Variants in NBAS observed in about 807,000 individuals in gnomAD.
NBAS encodes NAG/BC035112 fusion.
A neutral mutation model predicts 302.5 loss-of-function variants in NBAS; 219 were observed. The observed-to-expected ratio is 0.72, with a 90% confidence interval of 0.65 to 0.81. NBAS has a LOEUF of 0.81. NBAS is among the 30% of genes least tolerant of loss of function. The pLI, the probability that NBAS is intolerant of heterozygous loss-of-function variation, is 0.00. For synonymous variants in NBAS, 1,118 were observed against 1,021.6 expected, an observed-to-expected ratio of 1.09 and a Z score of -1.80; for missense variants, 2,932 against 2,841.6, an observed-to-expected ratio of 1.03 and a Z score of -0.72.
chr2:14,981,435 T>C, the NBAS span, among the ~76,000 whole-genome samples: 1 of 152,236 alleles, frequency 6.6e-6, no homozygotes, highest in African/African-American at 2.4e-5. Context: ...AATATATTCC[T>C]CCCAACCACT....
At chr2:15,063,263 C>T in the NBAS span, among the ~76,000 whole-genome samples, 1 of 152,092 alleles carries the variant, frequency 6.6e-6, no homozygotes, top group African/African-American at 2.4e-5. Context: ...AATGTTTAGG[C>T]AGGACCTCCT....
At chr2:15,338,551 C>T (rs1672697936) in intron 35 of NBAS, among the ~76,000 whole-genome samples, 1 of 152,158 alleles carries the variant, frequency 6.6e-6, no homozygotes, top group African/African-American at 2.4e-5. Context: ...GGCAAGGCTA[C>T]AGCTTAGCTG....
rs1221186965 is a variant in NBAS at position 15,369,991 on chromosome 2, T to C, written c.3704-3298A>G. Among the ~76,000 whole-genome samples, 4 of 152,198 alleles carry C rather than the reference T, an allele frequency of 2.6e-5. No homozygotes were observed. The East Asian group carries it at 7.7e-4, about 29-fold the overall frequency. On this transcript the variant is annotated intron_variant, in intron 31 of 51. Transcript: ENST00000281513. ...GAAGTTGCTAGTGATGCTGTGGAAG[T>C]ATTATACAAATCTGAACCGTGTGGG...
intron 48 of NBAS, among the ~76,000 whole-genome samples, chr2:15,213,435 C>T (rs1666512386): frequency 6.6e-6 from 1 of 152,146 alleles, no homozygotes; most frequent in Non-Finnish European, 1.5e-5. Context: ...TCTGTCAAAC[C>T]CCTGATTTCT....
the NBAS span, among the ~76,000 whole-genome samples, chr2:15,016,257 C>T: frequency 1.1e-4 from 17 of 152,066 alleles, no homozygotes; most frequent in African/African-American, 3.6e-4. Flanking sequence ...TATCAGATCC[C>T]GTGAGACTTA....
At chr2:15,427,840 A>G in intron 21 of NBAS, 46 bp from the exon 22 acceptor site, 1 of 1,424,030 alleles carries the variant, frequency 7.0e-7, no homozygotes, top group East Asian at 2.4e-5. Context: ...CATTACCTCA[A>G]TGACTTAGCC....
chr2:14,982,604 G>C, the NBAS span, among the ~76,000 whole-genome samples: 1 of 152,070 alleles, frequency 6.6e-6, no homozygotes, highest in Non-Finnish European at 1.5e-5. Context: ...TGAATTTCAT[G>C]AGTTATCCAA....
At chr2:15,058,672 G>A in the NBAS span, among the ~76,000 whole-genome samples, 1 of 152,262 alleles carries the variant, frequency 6.6e-6, no homozygotes, top group South Asian at 2.1e-4. Context: ...GAAATGGCAT[G>A]GGGTAATAGA....
the NBAS span, among the ~76,000 whole-genome samples, chr2:14,823,162 T>C: frequency 6.6e-6 from 1 of 152,244 alleles, no homozygotes; most frequent in African/African-American, 2.4e-5. Flanking sequence ...TGTTTTCCAG[T>C]GTGCATTAAT....
chr2:15,221,626 A>G (rs1460061500), intron 47 of NBAS, among the ~76,000 whole-genome samples: 1 of 152,254 alleles, frequency 6.6e-6, no homozygotes, highest in African/African-American at 2.4e-5. Flanking sequence ...GAACCAGGAA[A>G]GGCTTCAGAG....
chr2:15,213,998 C>G (rs1036894385), intron 48 of NBAS, among the ~76,000 whole-genome samples: 1 of 152,110 alleles, frequency 6.6e-6, no homozygotes, highest in African/African-American at 2.4e-5. Flanking sequence ...CAAACTATGG[C>G]AAACTAATAA....
chr2:15,210,501 G>A (rs1214365988), intron 48 of NBAS, among the ~76,000 whole-genome samples: 1 of 152,140 alleles, frequency 6.6e-6, no homozygotes, highest in Non-Finnish European at 1.5e-5. Context: ...GGAGAAAAAG[G>A]AATCCTCATG....
At chr2:15,177,114 T>G (rs140226742) in intron 51 of NBAS, among the ~76,000 whole-genome samples, 1 of 152,152 alleles carries the variant, frequency 6.6e-6, no homozygotes, top group Non-Finnish European at 1.5e-5. Flanking sequence ...TCTTAGCAAT[T>G]TATACCTGTG....
intron 48 of NBAS, among the ~76,000 whole-genome samples, chr2:15,205,290 C>T (rs1251056173): frequency 6.6e-6 from 1 of 151,736 alleles, no homozygotes; most frequent in Admixed American, 6.6e-5. Context: ...TTAACTCATA[C>T]CACAAGAGAA....
At chr2:15,338,569 G>C (rs1672698273) in intron 35 of NBAS, among the ~76,000 whole-genome samples, 1 of 152,010 alleles carries the variant, frequency 6.6e-6, no homozygotes, top group Non-Finnish European at 1.5e-5. Context: ...CTGCTCTCAT[G>C]TTTAGGGACC....
the NBAS span, among the ~76,000 whole-genome samples, chr2:15,086,146 T>C: frequency 6.6e-6 from 1 of 152,010 alleles, no homozygotes; most frequent in East Asian, 1.9e-4. Flanking sequence ...CCAATCCCCA[T>C]GCACTTCCTC....
chr2:15,398,414 A>G (rs912647384), intron 26 of NBAS, among the ~76,000 whole-genome samples: 1 of 152,128 alleles, frequency 6.6e-6, no homozygotes, highest in Non-Finnish European at 1.5e-5. Context: ...TACAGGCATG[A>G]GTAACTGCAC....
the NBAS span, among the ~76,000 whole-genome samples, chr2:14,787,702 G>A: frequency 6.6e-6 from 1 of 152,312 alleles, no homozygotes. Context: ...CTGTTAGTCT[G>A]ATGGGCTTCC....
At chr2:15,345,781 C>G (rs568336249) in intron 35 of NBAS, among the ~76,000 whole-genome samples, 1 of 152,282 alleles carries the variant, frequency 6.6e-6, no homozygotes, top group African/African-American at 2.4e-5. Flanking sequence ...GTGACCAAAA[C>G]AGCATGGTCC....
Sources: gnomAD v4.1 joint callset for allele counts (sites outside exome capture counted in the v4.1 genomes callset) on GRCh38, gnomAD v4.1.1 for gene constraint, MANE v1.5 for transcripts, NCBI Gene and HGNC (gene_info 2026-07-23, HGNC 2026-07-21) for gene names.